Variants in DLGAP1 observed in about 807,000 individuals in gnomAD.
DLGAP1 encodes the protein disks large-associated protein 1.
DLGAP1 carries 11 observed loss-of-function variants against 90.8 expected under a neutral mutation model. The observed-to-expected ratio is 0.12, with a 90% CI of 0.08 to 0.20. DLGAP1 has a LOEUF of 0.20. Ranked by LOEUF, DLGAP1 falls within the 10% of genes least tolerant of loss-of-function variation. The pLI is 1.00. For synonymous variants in DLGAP1, 558 were observed against 540.7 expected (o/e 1.03, Z -0.44); for missense variants, 1,050 against 1,333.8 (o/e 0.79, Z 3.31).
chr18:4,037,994 C>T (rs1032545760), intron 2 of DLGAP1, among the ~76,000 whole-genome samples: 2 of 152,152 alleles, frequency 1.3e-5, no homozygotes, highest in Non-Finnish European at 2.9e-5. Context: ...GCCATGTGAT[C>T]AGAGGCAAAA....
chr18:4,009,809 T>C (rs867315121), intron 2 of DLGAP1, among the ~76,000 whole-genome samples: 5 of 152,320 alleles, frequency 3.3e-5, no homozygotes, highest in Middle Eastern at 3.4e-3. Flanking sequence ...TGGGAACCTT[T>C]AGGTGAATGA....
intron 6 of DLGAP1, among the ~76,000 whole-genome samples, chr18:3,734,036 G>A (rs1249449174): frequency 6.6e-6 from 1 of 152,070 alleles, no homozygotes; most frequent in East Asian, 1.9e-4. Flanking sequence ...TCAGGTACAT[G>A]GTGTGTTTAC....
chr18:4,283,938 A>G (rs1169264613), intron 1 of DLGAP1, among the ~76,000 whole-genome samples: 1 of 152,180 alleles, frequency 6.6e-6, no homozygotes, highest in Non-Finnish European at 1.5e-5. Flanking sequence ...AGGGTTAAAT[A>G]AAAGACAAGG....
chr18:3,627,398 A>G (rs1422902635), intron 7 of DLGAP1, among the ~76,000 whole-genome samples: 2 of 141,560 alleles, frequency 1.4e-5, no homozygotes, highest in African/African-American at 2.7e-5. Flanking sequence ...TGTTCAGTCC[A>G]ATGTGTTGTC....
intron 1 of DLGAP1, among the ~76,000 whole-genome samples, chr18:4,251,712 A>AG (rs1164879085): frequency 9.9e-5 from 15 of 152,216 alleles, no homozygotes; most frequent in African/African-American, 3.4e-4. Flanking sequence ...CTAAAGAAGC[A>AG]GGGGGTGGTT....
chr18:3,813,704 T>C (rs2066951053), intron 5 of DLGAP1, among the ~76,000 whole-genome samples: 2 of 152,144 alleles, frequency 1.3e-5, no homozygotes, highest in African/African-American at 2.4e-5. Context: ...ACTTCGTGCC[T>C]GAGCAAACGT....
chr18:3,717,294 G>A (rs1343668424), intron 7 of DLGAP1, among the ~76,000 whole-genome samples: 1 of 152,134 alleles, frequency 6.6e-6, no homozygotes, highest in Non-Finnish European at 1.5e-5. Flanking sequence ...TTTGAGACCA[G>A]GTTAGTACCA....
chr18:4,383,775 A>C lies in DLGAP1; in HGVS notation c.-267+71231T>G, dbSNP rs1372974465. Among the ~76,000 whole-genome samples the C allele has an allele frequency of 1.6e-4, 24 of 152,134 alleles. No individual in the cohort carries two copies. Reference sequence around the variant, plus strand: ...CAAATATCATGATATTGAAGGAAAGAAGCAGAATTGTTCCATCTCCATTTG... The same window carrying C: ...CAAATATCATGATATTGAAGGAAAGCAGCAGAATTGTTCCATCTCCATTTG... On this transcript the variant is annotated intron_variant, in intron 1 of 12. Transcript: ENST00000315677. This position sits in a 1 kb window ranked among gnomAD's most constrained non-coding sequence, Gnocchi z 4.0.
At chr18:3,626,297 G>GA (rs61225561) in intron 7 of DLGAP1, among the ~76,000 whole-genome samples, 105 of 127,722 alleles carry the variant, frequency 8.2e-4, no homozygotes, top group Non-Finnish European at 8.3e-4. Flanking sequence ...TCTCAAAAAA[G>GA]AAAAAAAAAA....
intron 7 of DLGAP1, among the ~76,000 whole-genome samples, chr18:3,592,245 T>C (rs189033319): frequency 7.9e-5 from 12 of 152,344 alleles, no homozygotes; most frequent in South Asian, 2.1e-4. Context: ...ACAAAATAAC[T>C]AATAGACAAG....
At chr18:4,055,460 G>C (rs1477727705) in intron 2 of DLGAP1, among the ~76,000 whole-genome samples, 1 of 152,052 alleles carries the variant, frequency 6.6e-6, no homozygotes, top group African/African-American at 2.4e-5. Flanking sequence ...GTGGGCCCCG[G>C]TGTCGTCTGT....
intron 7 of DLGAP1, among the ~76,000 whole-genome samples, chr18:3,628,152 A>G (rs1362894484): frequency 4.7e-5 from 7 of 148,384 alleles, no homozygotes; most frequent in Non-Finnish European, 7.4e-5. Context: ...GTGGGATTAC[A>G]GGCGTGAGCC....
intron 9 of DLGAP1, among the ~76,000 whole-genome samples, chr18:3,551,608 T>TCTTC (rs145315408): frequency 0.69 from 64,772 of 93,430 alleles, 23,777 homozygotes; most frequent in Middle Eastern, 0.84. Context: ...TCTTTTTCTT[T>TCTTC]CTTTCTTTCT....
chr18:4,390,412 G>A (rs1011042667), intron 1 of DLGAP1, among the ~76,000 whole-genome samples: 9 of 151,914 alleles, frequency 5.9e-5, no homozygotes, highest in African/African-American at 1.4e-4. Context: ...GCTCATTCTC[G>A]GTGTTGCACA....
rs188930705 is a variant in DLGAP1, at chr18:4,040,075, G to A, written c.-158-34874C>T. Reference sequence around the variant, plus strand: ...ACAGTACCTATTCTTGTTTTCTAAAGATGTTTTAGAATAATATGCCTTGCA... The same window carrying A: ...ACAGTACCTATTCTTGTTTTCTAAAAATGTTTTAGAATAATATGCCTTGCA... On this transcript the variant is annotated intron_variant, in intron 2 of 12. Transcript: ENST00000315677. Among the ~76,000 whole-genome samples, 104 of 152,262 alleles carry A rather than the reference G, an allele frequency of 6.8e-4. 1 individual carries two copies. The highest frequency in any genetic ancestry group is 2.3e-3 in the South Asian group (11 of 4,822).
At chr18:3,850,391 CAA>C (rs996292450) in intron 4 of DLGAP1, among the ~76,000 whole-genome samples, 1 of 142,666 alleles carries the variant, frequency 7.0e-6, no homozygotes, top group African/African-American at 2.6e-5. Context: ...GACTCCATCT[CAA>C]AAAAAAAATT....
intron 1 of DLGAP1, among the ~76,000 whole-genome samples, chr18:4,186,415 C>T (rs544599529): frequency 6.6e-6 from 1 of 152,188 alleles, no homozygotes; most frequent in African/African-American, 2.4e-5. Flanking sequence ...TTGGCTTTTA[C>T]ATTTAAGTCT....
intron 1 of DLGAP1, among the ~76,000 whole-genome samples, chr18:4,336,427 C>T (rs746964698): frequency 6.6e-5 from 10 of 152,096 alleles, no homozygotes; most frequent in Non-Finnish European, 8.8e-5. Flanking sequence ...AAAATATAGA[C>T]GAGTGAATTT....
chr18:4,086,342 G>A (rs2075680554), intron 2 of DLGAP1, among the ~76,000 whole-genome samples: 1 of 152,154 alleles, frequency 6.6e-6, no homozygotes, highest in Non-Finnish European at 1.5e-5. Context: ...AAAAAACTGT[G>A]CTCTAAACCG....
Sources: allele counts gnomAD v4.1 joint callset (sites outside exome capture counted in the v4.1 genomes callset), GRCh38; gene constraint gnomAD v4.1.1; non-coding constraint Gnocchi (gnomAD v3.1); transcripts MANE v1.5; gene names NCBI Gene and HGNC (gene_info 2026-07-23, HGNC 2026-07-21).